Variants in NECAB1 observed in about 807,000 individuals in gnomAD.
The protein encoded by NECAB1 is N-terminal EF-hand calcium-binding protein 1.
Under a neutral mutation model 57.5 loss-of-function variants are expected in NECAB1, and 29 were observed. The ratio of observed to expected loss-of-function variants is 0.50; its 90% CI spans 0.38 to 0.69. The LOEUF is 0.69. Among genes scored for constraint, NECAB1 ranks in the 30% least tolerant of loss-of-function variants. The pLI, the probability that NECAB1 is intolerant of heterozygous loss-of-function variation, is 0.00. For synonymous variants in NECAB1, 142 were observed against 147.7 expected, an observed-to-expected ratio of 0.96 and a Z score of 0.28; for missense variants, 372 against 413.8, an observed-to-expected ratio of 0.90 and a Z score of 0.88.
chr8:90,868,189 G>A (rs546480750), intron 3 of NECAB1, among the ~76,000 whole-genome samples: 114 of 152,286 alleles, frequency 7.5e-4, no homozygotes, highest in Non-Finnish European at 1.4e-3. Flanking sequence ...TGTATAGCCT[G>A]CAAAACCTTG....
intron 10 of NECAB1, among the ~76,000 whole-genome samples, chr8:90,948,164 T>C (rs986941863): frequency 9.2e-5 from 14 of 152,218 alleles, no homozygotes; most frequent in Non-Finnish European, 5.9e-5. Context: ...ATGAAAGCTA[T>C]AGATTCTCTT....
rs1209414935 is a variant in NECAB1, at chr8:90,957,308, A to C, written c.*1796A>C. On this transcript the variant is annotated 3_prime_UTR_variant, in exon 13 of 13. Coordinates refer to ENST00000417640, the MANE Select transcript of NECAB1 (RefSeq NM_022351.5). ...AACATTGCTTTGGTTGGTGCATTTA[A>C]GTATCCAACTCAAAAAGCATATCAA... The C allele has an allele frequency of 6.6e-6, 1 of 151,998 alleles. No homozygotes were observed. The highest frequency in any genetic ancestry group is 2.4e-5 in the African/African-American group (1 of 41,432). The allele number at this position is 151,998 out of a possible 1,614,324, so 9.4% of individuals were successfully genotyped here.
chr8:90,802,194 C>G (rs139957701), intron 2 of NECAB1, among the ~76,000 whole-genome samples: 1 of 152,214 alleles, frequency 6.6e-6, no homozygotes, highest in African/African-American at 2.4e-5. Context: ...AGAGGTCTGC[C>G]TGGAAACCTG....
intron 3 of NECAB1, among the ~76,000 whole-genome samples, chr8:90,834,805 A>G (rs1812343854): frequency 6.6e-6 from 1 of 152,132 alleles, no homozygotes; most frequent in Non-Finnish European, 1.5e-5. Flanking sequence ...GCTTTTATGT[A>G]TGCATTCTAT....
chr8:90,913,175 TAAGA>T (rs2130095356), intron 5 of NECAB1, among the ~76,000 whole-genome samples: 1 of 152,308 alleles, frequency 6.6e-6, no homozygotes, highest in South Asian at 2.1e-4. Context: ...GACAGTTTTC[TAAGA>T]AACCTGATTC....
At chr8:90,939,395 A>G (rs1810616324) in intron 9 of NECAB1, among the ~76,000 whole-genome samples, 2 of 152,232 alleles carry the variant, frequency 1.3e-5, no homozygotes, top group South Asian at 4.1e-4. Context: ...GAGGGAAAAT[A>G]GAATCCATGT....
intron 3 of NECAB1, among the ~76,000 whole-genome samples, chr8:90,856,698 T>A (rs1208252267): frequency 1.3e-5 from 2 of 152,204 alleles, no homozygotes; most frequent in African/African-American, 4.8e-5. Context: ...AACAAAACTT[T>A]AAAAGAACTA....
intron 2 of NECAB1, among the ~76,000 whole-genome samples, chr8:90,814,045 C>A (rs937969230): frequency 6.6e-6 from 1 of 152,150 alleles, no homozygotes; most frequent in Non-Finnish European, 1.5e-5. Context: ...AAGATCACAT[C>A]AAAGATACTG....
At chr8:90,849,769 C>T (rs140805831) in intron 3 of NECAB1, among the ~76,000 whole-genome samples, 673 of 146,752 alleles carry the variant, frequency 4.6e-3, no homozygotes, top group African/African-American at 7.0e-3. Flanking sequence ...TCTCGGCTCA[C>T]CGCAAGCTCT....
At chr8:90,860,614 T>C (rs575665535) in intron 3 of NECAB1, among the ~76,000 whole-genome samples, 1 of 152,260 alleles carries the variant, frequency 6.6e-6, no homozygotes, top group Non-Finnish European at 1.5e-5. Flanking sequence ...CCAAGACTGA[T>C]TGATGGATAG....
In NECAB1 at chr8:90,854,065, G is replaced by A. The variant is rs111354198; in HGVS notation, c.234-18063G>A. 1.7e-4 allele frequency among the ~76,000 whole-genome samples: 26 copies of A among 152,246 alleles called. 1 individual carries two copies. The highest frequency in any genetic ancestry group is 6.0e-4 in the African/African-American group (25 of 41,538). ...AGTTTCAGGTCCTTGATACTATCTGGGAGGCCTGAAGATTAGTTTCCTGAC... is the reference window on the plus strand; with the variant it reads ...AGTTTCAGGTCCTTGATACTATCTGAGAGGCCTGAAGATTAGTTTCCTGAC... On this transcript the variant is annotated intron_variant, in intron 3 of 12. Coordinates refer to ENST00000417640, the MANE Select transcript of NECAB1 (RefSeq NM_022351.5).
intron 2 of NECAB1, among the ~76,000 whole-genome samples, chr8:90,807,993 T>A (rs1238082592): frequency 6.7e-6 from 1 of 150,154 alleles, no homozygotes; most frequent in Admixed American, 6.7e-5. Context: ...TAAAGAAAAA[T>A]AAATTTTCTA....
intron 3 of NECAB1, among the ~76,000 whole-genome samples, chr8:90,828,383 A>G (rs899148126): frequency 2.0e-5 from 3 of 152,024 alleles, no homozygotes; most frequent in Admixed American, 2.0e-4. Context: ...ACATGTCCTT[A>G]TATGCTAAGG....
intron 4 of NECAB1, among the ~76,000 whole-genome samples, chr8:90,879,478 C>T (rs1485289306): frequency 6.6e-6 from 1 of 152,004 alleles, no homozygotes; most frequent in African/African-American, 2.4e-5. Flanking sequence ...TGTCTATTTG[C>T]ATTTAAAACC....
chr8:90,839,041 G>A (rs537481169), intron 3 of NECAB1, among the ~76,000 whole-genome samples: 1 of 152,212 alleles, frequency 6.6e-6, no homozygotes, highest in South Asian at 2.1e-4. Flanking sequence ...AATAGGGAAG[G>A]GATGATTGAT....
intron 8 of NECAB1, among the ~76,000 whole-genome samples, chr8:90,933,043 G>T (rs1355575638): frequency 1.3e-5 from 2 of 152,158 alleles, no homozygotes; most frequent in African/African-American, 2.4e-5. Flanking sequence ...CCTTACTCCT[G>T]CAAGAAAGGC....
intron 2 of NECAB1, 81 bp downstream of exon 2, chr8:90,801,796 G>A: frequency 2.1e-6 from 2 of 951,610 alleles, no homozygotes; most frequent in South Asian, 3.4e-5. Flanking sequence ...AGGAAAAAGG[G>A]GACAGTCCGG....
intron 10 of NECAB1, among the ~76,000 whole-genome samples, chr8:90,948,601 T>C (rs1810859537): frequency 6.6e-6 from 1 of 152,226 alleles, no homozygotes; most frequent in Non-Finnish European, 1.5e-5. Flanking sequence ...TAACCCCTCG[T>C]TTTGCTTTCT....
intron 6 of NECAB1, among the ~76,000 whole-genome samples, chr8:90,923,609 A>G (rs1810185172): frequency 6.6e-6 from 1 of 152,240 alleles, no homozygotes. Context: ...CAAATCAAAC[A>G]CAAGAAAAGA....
Sources: gnomAD v4.1 joint callset for allele counts (sites outside exome capture counted in the v4.1 genomes callset) on GRCh38, gnomAD v4.1.1 for gene constraint, MANE v1.5 for transcripts, NCBI Gene and HGNC (gene_info 2026-07-23, HGNC 2026-07-21) for gene names.